Variants in PER2 observed in about 807,000 individuals in gnomAD.
PER2 encodes the protein period circadian protein homolog 2.
Under a neutral mutation model 121.0 loss-of-function variants are expected in PER2, and 66 were observed. That is an observed-to-expected ratio of 0.55 (90% CI 0.45 to 0.67). The LOEUF (loss-of-function observed/expected upper bound fraction) is 0.67, where lower values mean the gene tolerates loss of function less well. Ranked by LOEUF, PER2 falls within the 30% of genes least tolerant of loss-of-function variation. The probability of loss-of-function intolerance (pLI) is 0.00; values close to 1 mark genes in which losing one functional copy is unlikely to be tolerated. For missense variants in PER2, 1,521 were observed against 1,635.0 expected, an observed-to-expected ratio of 0.93 and a Z score of 1.20; for synonymous variants, 684 against 659.9, an observed-to-expected ratio of 1.04 and a Z score of -0.56.
intron 9 of PER2, among the ~76,000 whole-genome samples, chr2:238,264,042 G>A (rs1435448195): frequency 6.6e-6 from 1 of 151,944 alleles, no homozygotes; most frequent in Admixed American, 6.5e-5. Flanking sequence ...GAGGGGAGGA[G>A]GAGGGGGAGC....
In PER2 at chr2:238,252,011, C is replaced by T. The variant is rs73088918; in HGVS notation, c.3112-250G>A. On this transcript the variant is annotated intron_variant, in intron 19 of 22. Coordinates refer to ENST00000254657, the MANE Select transcript of PER2 (RefSeq NM_022817.3). This position sits in a 1 kb window ranked among gnomAD's most constrained non-coding sequence, Gnocchi z 4.2. ...AATTTTCGGAGAGTCACATGGAAGA[C>T]GGCAATACCTGGGCTCCAGGGGGGA... Among the ~76,000 whole-genome samples, 7,128 of 152,246 alleles carry T rather than the reference C, an allele frequency of 0.047. 373 individuals are homozygous for T. The highest frequency in any genetic ancestry group is 0.13 in the African/African-American group (5,280 of 41,520).
chr2:238,252,882 T>C lies in PER2; in HGVS notation c.3111+30A>G. 6.2e-7 allele frequency: 1 copy of C among 1,602,590 alleles called. No individual in the cohort carries two copies. The highest frequency in any genetic ancestry group is 8.5e-7 in the Non-Finnish European group (1 of 1,171,844). On this transcript the variant is annotated intron_variant, in intron 19 of 22. Transcript: ENST00000254657. The surrounding 1 kb of genome is among the most constrained non-coding windows in gnomAD (Gnocchi z 4.2). ...GCCAGGTGTGCTGTTTGCTGCCTGC[T>C]TTGGGGAAAGAGCATCAGAAAATCC...
At chr2:238,262,897 G>T in intron 10 of PER2, 55 bp downstream of exon 10, 1 of 1,230,666 alleles carries the variant, frequency 8.1e-7, no homozygotes, top group Non-Finnish European at 1.2e-6. Context: ...GCAGCCCCAA[G>T]GACACAGGAA....
upstream of PER2, among the ~76,000 whole-genome samples, chr2:238,293,580 C>T (rs1324070714): frequency 6.6e-6 from 1 of 151,790 alleles, no homozygotes; most frequent in African/African-American, 2.4e-5. Context: ...ACTAAAAATA[C>T]AAAAATTAGC....
intron 9 of PER2, among the ~76,000 whole-genome samples, chr2:238,264,359 C>G (rs965721514): frequency 6.6e-6 from 1 of 152,238 alleles, no homozygotes; most frequent in Admixed American, 6.5e-5. Context: ...GGCAGCCCCG[C>G]GGACACACCT....
At position 238,269,529 on chromosome 2, in the gene PER2, G is replaced by A. The variant is rs557420789; in HGVS notation, c.773-555C>T. The stretch of plus-strand genomic sequence containing the variant: ...CCAACCTGCAACTGAACACACTCAC[G>A]GTGCACTGCTGCAAACACACCAACC... On this transcript the variant is annotated intron_variant, in intron 6 of 22. Transcript: ENST00000254657. Among the ~76,000 whole-genome samples the A allele has an allele frequency of 1.0e-4, 10 of 95,284 alleles. No homozygotes were observed. The East Asian group carries it at 2.2e-3, about 21-fold the overall frequency. 62.5% of individuals were successfully genotyped at this position (95,284 alleles called of 152,430 possible). A position where few individuals can be genotyped will look rare whatever the true frequency, so the allele number is the denominator to read the frequency against.
the PER2 span, among the ~76,000 whole-genome samples, chr2:238,296,773 C>T: frequency 5.5e-4 from 83 of 150,844 alleles, 3 homozygotes; most frequent in African/African-American, 2.0e-3. Flanking sequence ...CACGGTGTGG[C>T]GGCCCCAGGG....
In PER2 at chr2:238,252,736, G is replaced by A. The variant is rs762418947; in HGVS notation, c.3111+176C>T. ...TAAAAGGCTTCGAATAATCTACTCT[G>A]ATAGGATTAAGTGGGAAGCATGAAT... On this transcript the variant is annotated intron_variant, in intron 19 of 22. Transcript: ENST00000254657. The surrounding 1 kb of genome is among the most constrained non-coding windows in gnomAD (Gnocchi z 4.2). 6.6e-6 allele frequency among the ~76,000 whole-genome samples: 1 copy of A among 152,236 alleles called. No individual in the cohort carries two copies. Among genetic ancestry groups the A allele is most frequent in the African/African-American group, 2.4e-5 (1 of 41,458 alleles).
chr2:238,258,629 G>T lies in PER2; in HGVS notation c.1643C>A (p.Pro548His). Reference sequence around the variant, plus strand: ...AGGGACAGCTTTCTTCTCAGCTGGGGGATTAGTTTGCATTTCTGAAGGAAT... The same window carrying T: ...AGGGACAGCTTTCTTCTCAGCTGGGTGATTAGTTTGCATTTCTGAAGGAAT... Reference protein sequence around the residue: ...KKSVTEMQTNPPAEKKAVPAM... With the variant: ...KKSVTEMQTNHPAEKKAVPAM... Residue 548 changes from proline (P) to histidine (H), a missense_variant, in exon 15 of 23, where the codon CCC becomes CAC. By Grantham distance (77) the Pro-to-His change is moderately conservative. Coordinates refer to ENST00000254657, the MANE Select transcript of PER2 (RefSeq NM_022817.3). 1 of 1,614,018 alleles carries T rather than the reference G, an allele frequency of 6.2e-7. No individual in the cohort carries two copies. Among genetic ancestry groups the T allele is most frequent in the South Asian group, 1.1e-5 (1 of 91,088 alleles).
chr2:238,277,721 C>T lies in PER2; in HGVS notation c.216G>A (p.Pro72=), dbSNP rs561050117. Residue 72 remains proline, a synonymous_variant, in exon 2 of 23, where the codon CCG becomes CCA. Transcript: ENST00000254657. ...GCTGAACTCACCTCTGGCGGGCATCCGGTGGCTCCACCAGCATCCCCAGCT... is the reference window on the plus strand; with the variant it reads ...GCTGAACTCACCTCTGGCGGGCATCTGGTGGCTCCACCAGCATCCCCAGCT... ...GKELGMLVEP[P]DARQSPDTFS... 60 of 1,614,168 alleles carry T rather than the reference C, an allele frequency of 3.7e-5. No homozygotes were observed. Among genetic ancestry groups the T allele is most frequent in the African/African-American group, 8.0e-5 (6 of 75,074 alleles).
At position 238,250,595 on chromosome 2, in the gene PER2, T is replaced by C; in HGVS notation, c.3423A>G (p.Ala1141=). The C allele has an allele frequency of 1.2e-6, 2 of 1,613,996 alleles. No homozygotes were observed. Among genetic ancestry groups the C allele is most frequent in the Admixed American group, 3.3e-5 (2 of 59,996 alleles). ...VLQDPIWLLM[A]DADSSVMMTY... ...TCATCATGACGCTGCTGTCCGCATC[T>C]GCCATCAGCAGCCAGATGGGATCCT... Residue 1141 remains alanine (A), a synonymous_variant, in exon 21 of 23, where the codon GCA becomes GCG. Coordinates refer to ENST00000254657, the MANE Select transcript of PER2 (RefSeq NM_022817.3).
chr2:238,284,456 A>AAG (rs942704196), intron 1 of PER2, among the ~76,000 whole-genome samples: 6 of 152,058 alleles, frequency 3.9e-5, no homozygotes, highest in South Asian at 2.1e-4. Flanking sequence ...AAAAAAAAAA[A>AAG]AGAGAGAGAA....
In PER2 at chr2:238,268,837, C is replaced by G. The variant is rs913803188; in HGVS notation, c.824+86G>C. ...GTGCTGAGTCCCTGCAGGCAGGGATCACGCCCCCCAGCCTCAAGCGGAGCA... is the reference window on the plus strand; with the variant it reads ...GTGCTGAGTCCCTGCAGGCAGGGATGACGCCCCCCAGCCTCAAGCGGAGCA... On this transcript the variant is annotated intron_variant, in intron 7 of 22. Transcript: ENST00000254657. The surrounding 1 kb of genome is among the most constrained non-coding windows in gnomAD (Gnocchi z 4.0). 8.2e-6 allele frequency: 8 copies of G among 975,362 alleles called. No individual in the cohort carries two copies. The highest frequency in any genetic ancestry group is 6.9e-5 in the Admixed American group (4 of 57,860). The allele number at this position is 975,362 out of a possible 1,614,324, so 60.4% of individuals were successfully genotyped here. A position where few individuals can be genotyped will look rare whatever the true frequency, so the allele number is the denominator to read the frequency against.
chr2:238,274,548 G>C (rs1344980351), intron 4 of PER2, among the ~76,000 whole-genome samples: 1 of 152,214 alleles, frequency 6.6e-6, no homozygotes, highest in Non-Finnish European at 1.5e-5. Flanking sequence ...CAGAGCTTCT[G>C]AGCTGTGAAG....
intron 8 of PER2, among the ~76,000 whole-genome samples, chr2:238,266,055 C>T (rs1039548712): frequency 2.0e-5 from 3 of 152,106 alleles, no homozygotes; most frequent in Admixed American, 1.3e-4. Flanking sequence ...AGGCGTGTGC[C>T]ACCACGCCCA....
In PER2 at chr2:238,253,343, G is replaced by A; in HGVS notation, c.2680C>T (p.Pro894Ser). 1.9e-6 allele frequency: 3 copies of A among 1,613,764 alleles called. No individual in the cohort carries two copies. Among genetic ancestry groups the A allele is most frequent in the Non-Finnish European group, 2.5e-6 (3 of 1,179,822 alleles). ...GGCGCCAAAGGGGCAGGGAAAGGTGGGGGCTGGACTGCAAACTGGTGCTGG... is the reference window on the plus strand; with the variant it reads ...GGCGCCAAAGGGGCAGGGAAAGGTGAGGGCTGGACTGCAAACTGGTGCTGG... ...DLQHQFAVQP[P>S]PFPAPLAPVM... The change falls in exon 19 of 23, where the codon CCA becomes TCA. Residue 894 changes from proline (P) to serine (S), a missense_variant. Coordinates refer to ENST00000254657, the MANE Select transcript of PER2 (RefSeq NM_022817.3). This position sits in a 1 kb window ranked among gnomAD's most constrained non-coding sequence, Gnocchi z 5.6.
In PER2 at chr2:238,246,336, G is replaced by C; in HGVS notation, c.*39C>G. The C allele has an allele frequency of 1.3e-6, 2 of 1,522,460 alleles. No homozygotes were observed. The highest frequency in any genetic ancestry group is 1.8e-6 in the Non-Finnish European group (2 of 1,119,368). 94.3% of individuals were successfully genotyped at this position (1,522,460 alleles called of 1,614,324 possible). On this transcript the variant is annotated 3_prime_UTR_variant, in exon 23 of 23. Coordinates refer to ENST00000254657, the MANE Select transcript of PER2 (RefSeq NM_022817.3). ...TTTCATCTCTTCCAAGCACCACCTG[G>C]TGTACCTCGCTGGCTGCCGGGCTGA... is the stretch of plus-strand genomic sequence containing the variant.
At chr2:238,247,946 G>T (rs1457766512) in intron 22 of PER2, among the ~76,000 whole-genome samples, 1 of 152,238 alleles carries the variant, frequency 6.6e-6, no homozygotes, top group Middle Eastern at 3.2e-3. Flanking sequence ...TGCCATGGAA[G>T]CATCCTCATG....
At chr2:238,272,370 G>A (rs1696316306) in intron 5 of PER2, among the ~76,000 whole-genome samples, 1 of 152,242 alleles carries the variant, frequency 6.6e-6, no homozygotes. Context: ...AGGGTTCTAG[G>A]GGCTTCCTGG....
Sources: allele counts gnomAD v4.1 joint callset (sites outside exome capture counted in the v4.1 genomes callset), GRCh38; gene constraint gnomAD v4.1.1; non-coding constraint Gnocchi (gnomAD v3.1); transcripts MANE v1.5; gene names NCBI Gene and HGNC (gene_info 2026-07-23, HGNC 2026-07-21).